PGAP1: variants seen among roughly 807,000 people sequenced by gnomAD.
PGAP1 encodes post-GPI attachment to proteins inositol deacylase 1.
Under a neutral mutation model 127.0 loss-of-function variants are expected in PGAP1, and 76 were observed. That is an observed-to-expected ratio of 0.60 (90% CI 0.50 to 0.72). PGAP1 has a LOEUF of 0.72. Ranked by LOEUF, PGAP1 falls within the 30% of genes least tolerant of loss-of-function variation. The pLI is 0.00. For synonymous variants in PGAP1, 362 were observed against 366.5 expected (o/e 0.99, Z 0.14); for missense variants, 982 against 1,071.3 (o/e 0.92, Z 1.16).
chr2:196,905,467 T>C (rs113088525), intron 4 of PGAP1, among the ~76,000 whole-genome samples: 24 of 152,362 alleles, frequency 1.6e-4, no homozygotes, highest in African/African-American at 5.3e-4. Context: ...TTGCACCAGA[T>C]ACTTAAGAGC....
chr2:196,918,514 G>A (rs1703085033), intron 2 of PGAP1, among the ~76,000 whole-genome samples: 1 of 152,112 alleles, frequency 6.6e-6, no homozygotes, highest in South Asian at 2.1e-4. Flanking sequence ...ATGAATCACA[G>A]CTCACACAAC....
chr2:196,864,441 T>C (rs932531388), intron 20 of PGAP1, among the ~76,000 whole-genome samples: 1 of 150,436 alleles, frequency 6.6e-6, no homozygotes, highest in African/African-American at 2.5e-5. Flanking sequence ...TAGGGCACTA[T>C]TGTTAATTTT....
intron 11 of PGAP1, 98 bp from the exon 12 acceptor site, chr2:196,885,573 C>A: frequency 1.2e-6 from 1 of 853,502 alleles, no homozygotes. Flanking sequence ...ATCTCTACAC[C>A]TAGTAGAGAT....
At chr2:196,884,384 A>G (rs1169742711) in intron 12 of PGAP1, among the ~76,000 whole-genome samples, 1 of 152,214 alleles carries the variant, frequency 6.6e-6, no homozygotes, top group Admixed American at 6.5e-5. Context: ...AATGTTCAAG[A>G]GTCAATTTAC....
At chr2:196,879,513 G>A (rs1301833887) in intron 13 of PGAP1, among the ~76,000 whole-genome samples, 1 of 152,134 alleles carries the variant, frequency 6.6e-6, no homozygotes, top group Non-Finnish European at 1.5e-5. Context: ...TGGCCAGCAT[G>A]GCAAAATCCC....
chr2:196,898,393 CT>C, intron 5 of PGAP1, 24 bp from the exon 6 acceptor site: 1 of 1,569,310 alleles, frequency 6.4e-7, no homozygotes, highest in Non-Finnish European at 8.7e-7. Context: ...AAAAAATAAA[CT>C]TACGAAAAGC....
intron 8 of PGAP1, among the ~76,000 whole-genome samples, chr2:196,892,933 T>C (rs1312982124): frequency 6.6e-6 from 1 of 152,064 alleles, no homozygotes; most frequent in Non-Finnish European, 1.5e-5. Context: ...TTACCAGCAA[T>C]CTCTTACATG....
chr2:196,865,166 A>C, intron 19 of PGAP1, 86 bp from the exon 20 acceptor site: 1 of 675,130 alleles, frequency 1.5e-6, no homozygotes. Context: ...GTTGCTCTTC[A>C]ATTTATACCT....
chr2:196,864,129 C>T (rs936322440), intron 20 of PGAP1, among the ~76,000 whole-genome samples: 5 of 151,892 alleles, frequency 3.3e-5, no homozygotes, highest in Admixed American at 1.3e-4. Flanking sequence ...CGGTGGCTCA[C>T]GCCTGTAGTC....
intron 20 of PGAP1, among the ~76,000 whole-genome samples, chr2:196,853,770 C>T (rs1271534488): frequency 3.3e-5 from 5 of 152,114 alleles, no homozygotes; most frequent in African/African-American, 9.7e-5. Flanking sequence ...AAGATTTTTA[C>T]ATCCATACAA....
At chr2:196,857,108 C>T (rs1473850764) in intron 20 of PGAP1, among the ~76,000 whole-genome samples, 2 of 152,166 alleles carry the variant, frequency 1.3e-5, no homozygotes, top group Admixed American at 6.5e-5. Flanking sequence ...GTCAAACTAT[C>T]TCTGTTTGCA....
At chr2:196,844,145 C>A in intron 24 of PGAP1, 70 bp from the exon 25 acceptor site, 1 of 887,934 alleles carries the variant, frequency 1.1e-6, no homozygotes, top group Non-Finnish European at 1.6e-6. Flanking sequence ...GAATCATACT[C>A]ATTACTTATC....
chr2:196,885,539 T>C, intron 11 of PGAP1, 64 bp from the exon 12 acceptor site: 3 of 1,222,406 alleles, frequency 2.5e-6, no homozygotes, highest in South Asian at 2.7e-5. Flanking sequence ...AAATTATAAA[T>C]AAGATTCAGA....
Position 196,872,993 on chromosome 2 carries a change from G to T in PGAP1, c.1586C>A (p.Pro529His). ...GGTTAGTGAATCTTCATAAGACCAA[G>T]GAATATGAAGTCTATAGATACTGGT... is the stretch of plus-strand genomic sequence containing the variant. ...EITSIYRLHIPWSYEDSLTIA... is the reference protein window; with the variant it reads ...EITSIYRLHIHWSYEDSLTIA... Residue 529 changes from proline to histidine, a missense_variant, in exon 17 of 27, where the codon CCT (proline) becomes CAT (histidine). Coordinates refer to ENST00000354764, the MANE Select transcript of PGAP1 (RefSeq NM_024989.4). 9.5e-7 allele frequency: 1 copy of T among 1,050,678 alleles called. No individual in the cohort carries two copies. The highest frequency in any genetic ancestry group is 1.4e-6 in the Non-Finnish European group (1 of 711,678). 65.1% of individuals were successfully genotyped at this position (1,050,678 alleles called of 1,614,324 possible). A position where few individuals can be genotyped will look rare whatever the true frequency, so the allele number is the denominator to read the frequency against.
rs1278413451 is a variant in PGAP1, at chr2:196,870,937, T to A, written c.1767+4A>T. Reference sequence around the variant, plus strand: ...ATAATCAACCAGCCAGGAATCTCTCTTACCTGTCCAAGTATTTGTGAAAAG... The same window carrying A: ...ATAATCAACCAGCCAGGAATCTCTCATACCTGTCCAAGTATTTGTGAAAAG... On this transcript the variant is annotated splice_donor_region_variant and intron_variant, in intron 19 of 26. Transcript: ENST00000354764. 2 of 1,605,198 alleles carry A rather than the reference T, an allele frequency of 1.2e-6. No individual in the cohort carries two copies. The highest frequency in any genetic ancestry group is 1.7e-6 in the Non-Finnish European group (2 of 1,172,582).
chr2:196,847,796 T>C (rs1473440335), intron 21 of PGAP1, 151 bp downstream of exon 21: 1 of 521,230 alleles, frequency 1.9e-6, no homozygotes, highest in Non-Finnish European at 3.3e-6. Context: ...ATATACTTAT[T>C]AGACCTTTGC....
At chr2:196,872,843 G>T in intron 17 of PGAP1, 117 bp downstream of exon 17, 1 of 604,294 alleles carries the variant, frequency 1.7e-6, no homozygotes, top group Non-Finnish European at 2.9e-6. Flanking sequence ...GCTACATAAA[G>T]GATACATACA....
rs1703137278 is a variant in PGAP1, at chr2:196,920,031, G to A, written c.267C>T (p.Leu89=). The A allele has an allele frequency of 1.2e-6, 2 of 1,612,050 alleles. No homozygotes were observed. Among genetic ancestry groups the A allele is most frequent in the Non-Finnish European group, 1.7e-6 (2 of 1,179,150 alleles). Residue 89 remains leucine (L), a synonymous_variant, in exon 2 of 27, where the codon CTC becomes CTT. Coordinates refer to ENST00000354764, the MANE Select transcript of PGAP1 (RefSeq NM_024989.4). ...KILPLTGIPV[L]FLPGNAGSYK... is the part of the protein sequence containing the mutation. ...AACTTCCAGCATTACCAGGAAGAAAGAGAACTGGAATACCCGTCAAAGGGA... is the reference window on the plus strand; with the variant it reads ...AACTTCCAGCATTACCAGGAAGAAAAAGAACTGGAATACCCGTCAAAGGGA...
chr2:196,913,270 T>C (rs1193587353), intron 3 of PGAP1, among the ~76,000 whole-genome samples: 1 of 152,224 alleles, frequency 6.6e-6, no homozygotes, highest in Non-Finnish European at 1.5e-5. Context: ...AGGTATATCT[T>C]GGTTTTCTGG....
Sources: gnomAD v4.1 joint callset for allele counts (sites outside exome capture counted in the v4.1 genomes callset) on GRCh38, gnomAD v4.1.1 for gene constraint, MANE v1.5 for transcripts, NCBI Gene and HGNC (gene_info 2026-07-23, HGNC 2026-07-21) for gene names.